FCHO2: variants seen among roughly 807,000 people sequenced by gnomAD.
FCHO2 encodes the protein FCH and mu domain containing endocytic adaptor 2, also known as F-BAR domain only protein 2.
Under a neutral mutation model 114.1 loss-of-function variants are expected in FCHO2, and 43 were observed. That is an observed-to-expected ratio of 0.38 (90% CI 0.30 to 0.49). The LOEUF (loss-of-function observed/expected upper bound fraction) is 0.49. FCHO2 is among the 20% of genes least tolerant of loss of function. The pLI is 0.97. For missense variants in FCHO2, 807 were observed against 950.4 expected (o/e 0.85, Z 1.98); for synonymous variants, 293 against 315.2 (o/e 0.93, Z 0.75).
At chr5:72,988,520 A>G (rs990133014) in intron 2 of FCHO2, among the ~76,000 whole-genome samples, 6 of 152,220 alleles carry the variant, frequency 3.9e-5, no homozygotes, top group African/African-American at 1.4e-4. Context: ...TTAGAATTCT[A>G]TATTTAATGG....
chr5:73,000,306 C>G (rs888146385), intron 5 of FCHO2, among the ~76,000 whole-genome samples: 1 of 152,040 alleles, frequency 6.6e-6, no homozygotes, highest in Admixed American at 6.6e-5. Flanking sequence ...AACCCTGTCT[C>G]TACTAAAATA....
chr5:73,018,831 C>T (rs1032519561), intron 8 of FCHO2, among the ~76,000 whole-genome samples: 5 of 152,172 alleles, frequency 3.3e-5, no homozygotes, highest in African/African-American at 9.7e-5. Context: ...CATCACTTTG[C>T]AGTGGTATTT....
intron 16 of FCHO2, among the ~76,000 whole-genome samples, chr5:73,058,183 A>AT (rs1554073734): frequency 2.0e-5 from 3 of 151,562 alleles, no homozygotes; most frequent in Admixed American, 1.3e-4. Flanking sequence ...ATTTAAAAAA[A>AT]TTTTTTTGTG....
rs11358269 is a variant in FCHO2, at chr5:73,012,617, C to CA, written c.601-2988dup. 7.9e-3 allele frequency among the ~76,000 whole-genome samples: 726 copies of CA among 92,116 alleles called. 9 individuals carry two copies. The highest frequency in any genetic ancestry group is 0.022 in the Middle Eastern group (4 of 182). 60.4% of individuals were successfully genotyped at this position (92,116 alleles called of 152,430 possible). A position where few individuals can be genotyped will look rare whatever the true frequency, so the allele number is the denominator to read the frequency against. The stretch of plus-strand genomic sequence containing the variant: ...CTGGCGACAGAGCGAGACTCCGTCT[C>CA]AAAAAAAAAAAAAAAAAAAAATTAA... On this transcript the variant is annotated intron_variant, in intron 6 of 25. Transcript: ENST00000430046.
At chr5:73,074,982 T>G (rs903936864) in intron 20 of FCHO2, 129 bp downstream of exon 20, 9 of 707,018 alleles carry the variant, frequency 1.3e-5, no homozygotes, top group Middle Eastern at 3.7e-4. Context: ...TGTTGTTTAT[T>G]TACCTGCTTT....
Position 73,088,196 on chromosome 5 carries a change from G to C in FCHO2, c.*106G>C. On this transcript the variant is annotated 3_prime_UTR_variant, in exon 26 of 26. Coordinates refer to ENST00000430046, the MANE Select transcript of FCHO2 (RefSeq NM_138782.3). The stretch of plus-strand genomic sequence containing the variant: ...ACTTGTATGATGTCTTTCAAACTTA[G>C]ACATATTTGAGAGCTGACTACAAAC... 1.4e-6 allele frequency: 2 copies of C among 1,469,282 alleles called. No individual in the cohort carries two copies. Among genetic ancestry groups the C allele is most frequent in the Non-Finnish European group, 1.9e-6 (2 of 1,069,648 alleles). The allele number at this position is 1,469,282 out of a possible 1,614,324, so 91.0% of individuals were successfully genotyped here.
intron 17 of FCHO2, among the ~76,000 whole-genome samples, chr5:73,059,648 CCTAAACA>C (rs1389140343): frequency 1.3e-5 from 2 of 151,836 alleles, no homozygotes; most frequent in East Asian, 1.9e-4. Flanking sequence ...AAACCTTAAC[CCTAAACA>C]CTAAACGCTA....
intron 2 of FCHO2, among the ~76,000 whole-genome samples, chr5:72,970,155 C>T (rs1172014122): frequency 6.6e-6 from 1 of 152,112 alleles, no homozygotes; most frequent in East Asian, 1.9e-4. Flanking sequence ...TTTCAGCCAT[C>T]TCAAGGGCTT....
At chr5:73,028,563 C>T (rs1170325726) in intron 8 of FCHO2, among the ~76,000 whole-genome samples, 1 of 151,126 alleles carries the variant, frequency 6.6e-6, no homozygotes, top group Non-Finnish European at 1.5e-5. Context: ...ACTACTGATA[C>T]ATGCAATTAC....
At chr5:72,994,751 G>T (rs1007560172) in intron 5 of FCHO2, among the ~76,000 whole-genome samples, 3 of 152,154 alleles carry the variant, frequency 2.0e-5, no homozygotes, top group Admixed American at 6.5e-5. Context: ...AGAAAATGTG[G>T]TACATATTCA....
intron 16 of FCHO2, among the ~76,000 whole-genome samples, chr5:73,057,810 T>C (rs1475828560): frequency 6.6e-6 from 1 of 152,178 alleles, no homozygotes; most frequent in Non-Finnish European, 1.5e-5. Context: ...TTTGTAAAGC[T>C]GAAATTATTA....
At chr5:73,026,037 T>C (rs2112772452) in intron 8 of FCHO2, among the ~76,000 whole-genome samples, 1 of 152,364 alleles carries the variant, frequency 6.6e-6, no homozygotes, top group East Asian at 1.9e-4. Context: ...GGCTCACGCC[T>C]GTAATCCCAG....
chr5:72,982,502 A>G (rs544331551), intron 2 of FCHO2, among the ~76,000 whole-genome samples: 2 of 152,332 alleles, frequency 1.3e-5, no homozygotes, highest in African/African-American at 2.4e-5. Flanking sequence ...TTCAAAGAAC[A>G]AAAGTATTTA....
intron 24 of FCHO2, among the ~76,000 whole-genome samples, chr5:73,085,096 A>C (rs543296418): frequency 2.0e-5 from 3 of 152,356 alleles, no homozygotes; most frequent in Admixed American, 6.5e-5. Flanking sequence ...CATGCCTGTA[A>C]TCCCAGCACT....
chr5:72,972,879 A>G (rs1348886981), intron 2 of FCHO2, among the ~76,000 whole-genome samples: 2 of 152,166 alleles, frequency 1.3e-5, no homozygotes, highest in Admixed American at 1.3e-4. Flanking sequence ...ACGTCCCATC[A>G]ATGCCTAATT....
intron 5 of FCHO2, among the ~76,000 whole-genome samples, chr5:72,998,015 A>AT (rs917929229): frequency 1.4e-4 from 20 of 147,722 alleles, no homozygotes; most frequent in African/African-American, 2.0e-4. Context: ...TTGTGATTTG[A>AT]TTTTTTTTTT....
In FCHO2 at chr5:73,087,650, T is replaced by G. The variant is rs770175095; in HGVS notation, c.2307T>G (p.Leu769=). ...AAGGACCTAGTAAACCCACGACACT[T>G]GCAGTACAATTCCTCAGCGAGGGAA... ...LSEGPSKPTT[L]AVQFLSEGST... The change falls in exon 25 of 26, where the codon CTT becomes CTG. Residue 769 remains leucine (L), a synonymous_variant. Coordinates refer to ENST00000430046, the MANE Select transcript of FCHO2 (RefSeq NM_138782.3). 1.2e-6 allele frequency: 2 copies of G among 1,613,836 alleles called. No individual in the cohort carries two copies. Among genetic ancestry groups the G allele is most frequent in the Admixed American group, 1.7e-5 (1 of 60,000 alleles).
intron 24 of FCHO2, among the ~76,000 whole-genome samples, chr5:73,083,247 C>T (rs1743184019): frequency 6.6e-6 from 1 of 152,072 alleles, no homozygotes; most frequent in Non-Finnish European, 1.5e-5. Flanking sequence ...TGTAAAGTTT[C>T]CTCCTGGAAT....
At chr5:73,058,952 T>G (rs915622288) in intron 17 of FCHO2, among the ~76,000 whole-genome samples, 33 of 152,190 alleles carry the variant, frequency 2.2e-4, no homozygotes, top group Non-Finnish European at 3.4e-4. Context: ...ATTTATCAAT[T>G]TAAAATTTAT....
Sources: gnomAD v4.1 joint callset for allele counts (sites outside exome capture counted in the v4.1 genomes callset) on GRCh38, gnomAD v4.1.1 for gene constraint, MANE v1.5 for transcripts, NCBI Gene and HGNC (gene_info 2026-07-23, HGNC 2026-07-21) for gene names.